MYH10: variants seen among roughly 807,000 people sequenced by gnomAD.
MYH10 encodes myosin-10.
In MYH10, 55 loss-of-function variants were observed where a neutral mutation model predicts 257.8. The ratio of observed to expected loss-of-function variants is 0.21; its 90% CI spans 0.17 to 0.27. The LOEUF (loss-of-function observed/expected upper bound fraction) is 0.27. Ranked by LOEUF, MYH10 falls within the 10% of genes least tolerant of loss-of-function variation. The probability of loss-of-function intolerance (pLI) is 1.00; values close to 1 mark genes in which losing one functional copy is unlikely to be tolerated. For missense variants in MYH10, 1,631 were observed against 2,500.6 expected (o/e 0.65, Z 7.42); for synonymous variants, 854 against 921.7 (o/e 0.93, Z 1.33).
Position 8,506,853 on chromosome 17 carries a change from G to A in MYH10, c.3215-364C>T, listed in dbSNP as rs1174044720. On this transcript the variant is annotated intron_variant, in intron 26 of 42. Transcript: ENST00000360416. The surrounding 1 kb of genome is among the most constrained non-coding windows in gnomAD (Gnocchi z 5.0). Reference sequence around the variant, plus strand: ...CTCAGCAGGTGCTGGGGCAGCAATCGTAGCTGCCTGTCACCCCATTCCCTT... The same window carrying A: ...CTCAGCAGGTGCTGGGGCAGCAATCATAGCTGCCTGTCACCCCATTCCCTT... 6.6e-6 allele frequency among the ~76,000 whole-genome samples: 1 copy of A among 152,188 alleles called. No homozygotes were observed. Among genetic ancestry groups the A allele is most frequent in the Non-Finnish European group, 1.5e-5 (1 of 68,032 alleles).
intron 8 of MYH10, among the ~76,000 whole-genome samples, chr17:8,553,491 A>G (rs945140381): frequency 6.6e-6 from 1 of 152,200 alleles, no homozygotes; most frequent in African/African-American, 2.4e-5. Flanking sequence ...CATTCTATGC[A>G]GGTGACATTT....
chr17:8,490,070 C>T lies in MYH10; in HGVS notation c.4884+270G>A, dbSNP rs935561429. ...AAGACAAGGAACTTGAACCTAACCA[C>T]GGATTCCTTTGGGAGTCCACTGAGG... On this transcript the variant is annotated intron_variant, in intron 35 of 42. Transcript: ENST00000360416. The surrounding 1 kb of genome is among the most constrained non-coding windows in gnomAD (Gnocchi z 4.1). Among the ~76,000 whole-genome samples the T allele has an allele frequency of 6.6e-5, 10 of 152,178 alleles. No individual in the cohort carries two copies. Among genetic ancestry groups the T allele is most frequent in the East Asian group, 3.8e-4 (2 of 5,198 alleles).
intron 7 of MYH10, among the ~76,000 whole-genome samples, chr17:8,558,572 C>T (rs1448803213): frequency 6.6e-6 from 1 of 152,150 alleles, no homozygotes; most frequent in Non-Finnish European, 1.5e-5. Context: ...CTAATTTCAA[C>T]TTCTAAGTTG....
intron 4 of MYH10, 43 bp downstream of exon 4, chr17:8,589,038 C>G (rs755481723): frequency 6.2e-7 from 1 of 1,604,298 alleles, no homozygotes; most frequent in Non-Finnish European, 8.5e-7. Context: ...CTCCACTTTC[C>G]AAGAAAATCA....
At position 8,542,370 on chromosome 17, in the gene MYH10, T is replaced by C. The variant is rs2082312931; in HGVS notation, c.1432-90A>G. ...TATGTAGTTATAAAAAAATTTTTCA[T>C]TAAACATTACTAATTAGGTAGGAAG... is the stretch of plus-strand genomic sequence containing the variant. On this transcript the variant is annotated intron_variant, in intron 13 of 42. Transcript: ENST00000360416. The C allele has an allele frequency of 3.5e-6, 4 of 1,155,138 alleles. No individual in the cohort carries two copies. The South Asian group carries it at 4.5e-5, about 13-fold the overall frequency. 71.6% of individuals were successfully genotyped at this position (1,155,138 alleles called of 1,614,324 possible).
At chr17:8,562,327 C>T (rs537472525) in intron 7 of MYH10, among the ~76,000 whole-genome samples, 13 of 152,350 alleles carry the variant, frequency 8.5e-5, no homozygotes, top group African/African-American at 2.9e-4. Flanking sequence ...GCCAGATAAG[C>T]AAAGGTGACT....
intron 9 of MYH10, among the ~76,000 whole-genome samples, chr17:8,550,546 G>A (rs1445409744): frequency 1.3e-5 from 2 of 148,474 alleles, no homozygotes; most frequent in Non-Finnish European, 3.0e-5. Context: ...CCGGCCAGCC[G>A]CCCTGCCCGG....
At position 8,535,963 on chromosome 17, in the gene MYH10, T is replaced by G. The variant is rs199608057; in HGVS notation, c.1606-32A>C. ...ATGACAGGCAATAAGAATTCACAAG[T>G]TTTGCATGCCACTTTAATACTACTG... On this transcript the variant is annotated intron_variant, in intron 14 of 42. Transcript: ENST00000360416. The surrounding 1 kb of genome is among the most constrained non-coding windows in gnomAD (Gnocchi z 4.3). The G allele has an allele frequency of 6.3e-7, 1 of 1,596,712 alleles. No individual in the cohort carries two copies. Among genetic ancestry groups the G allele is most frequent in the African/African-American group, 1.3e-5 (1 of 74,276 alleles).
At chr17:8,602,570 C>T (rs1348274762) in intron 3 of MYH10, among the ~76,000 whole-genome samples, 1 of 152,160 alleles carries the variant, frequency 6.6e-6, no homozygotes, top group Non-Finnish European at 1.5e-5. Context: ...GCAGGTAGCC[C>T]CCTACTTACA....
intron 27 of MYH10, 140 bp from the exon 28 acceptor site, chr17:8,505,046 G>C: frequency 2.8e-6 from 2 of 715,460 alleles, no homozygotes; most frequent in Middle Eastern, 7.4e-4. Context: ...GGCTGGTGCA[G>C]ATGCTCAGCA....
chr17:8,476,943 G>C lies in MYH10; in HGVS notation c.5812C>G (p.Leu1938Val). ...NASRRKLQRE[L>V]DDATEANEGL... ...TCGTTGGCCTCGGTGGCATCATCCA[G>C]TTCCCGCTGGAGTTTACGCCGAGAT... Residue 1938 changes from leucine to valine, a missense_variant, in exon 42 of 43, where the codon CTG becomes GTG. Around this residue, in one of 11 missense-constraint regions of MYH10, gnomAD observed 343 missense variants for 389.5 expected, o/e 0.88. Coordinates refer to ENST00000360416, the MANE Select transcript of MYH10 (RefSeq NM_001256012.3). The C allele has an allele frequency of 1.2e-6, 2 of 1,613,838 alleles. No individual in the cohort carries two copies. The highest frequency in any genetic ancestry group is 1.7e-6 in the Non-Finnish European group (2 of 1,180,036).
intron 2 of MYH10, among the ~76,000 whole-genome samples, chr17:8,619,252 T>C (rs2085377813): frequency 6.6e-6 from 1 of 151,964 alleles, no homozygotes; most frequent in African/African-American, 2.4e-5. Context: ...TGAAACTGCA[T>C]TTTTTTTAAA....
intron 4 of MYH10, among the ~76,000 whole-genome samples, chr17:8,579,586 G>A (rs1276438311): frequency 1.3e-5 from 2 of 152,110 alleles, no homozygotes; most frequent in Non-Finnish European, 2.9e-5. Flanking sequence ...TTTCCTATGT[G>A]AAGCTTATTA....
chr17:8,623,452 A>G (rs2085544740), intron 1 of MYH10, 175 bp from the exon 2 acceptor site: 2 of 448,170 alleles, frequency 4.5e-6, no homozygotes, highest in Admixed American at 9.1e-5. Context: ...TTCAGCGGTG[A>G]CCACAAATTA....
At chr17:8,578,391 C>A (rs182076228) in intron 4 of MYH10, among the ~76,000 whole-genome samples, 3 of 152,010 alleles carry the variant, frequency 2.0e-5, no homozygotes, top group Admixed American at 1.3e-4. Flanking sequence ...CATAGGCACA[C>A]GCCACCACGC....
intron 17 of MYH10, among the ~76,000 whole-genome samples, chr17:8,522,424 A>G (rs2081686165): frequency 2.0e-5 from 3 of 152,196 alleles, no homozygotes; most frequent in Admixed American, 2.0e-4. Flanking sequence ...AAAGCTGTTT[A>G]ATTTCCAGGC....
intron 4 of MYH10, among the ~76,000 whole-genome samples, chr17:8,587,314 T>C (rs2083947721): frequency 6.6e-6 from 1 of 152,162 alleles, no homozygotes; most frequent in East Asian, 1.9e-4. Flanking sequence ...AGTTTCAGCG[T>C]GATTTGCTGT....
intron 9 of MYH10, among the ~76,000 whole-genome samples, chr17:8,550,445 C>T (rs1386687981): frequency 4.2e-4 from 63 of 149,312 alleles, no homozygotes; most frequent in African/African-American, 1.3e-3. Flanking sequence ...GGAGCCCCTC[C>T]GCCCGGCAGC....
chr17:8,486,317 T>C (rs1914763922), intron 36 of MYH10, among the ~76,000 whole-genome samples: 1 of 152,094 alleles, frequency 6.6e-6, no homozygotes, highest in African/African-American at 2.4e-5. Flanking sequence ...TGGCGAATTG[T>C]GTGGTATGTG....
Sources: allele counts gnomAD v4.1 joint callset (sites outside exome capture counted in the v4.1 genomes callset), GRCh38; gene constraint gnomAD v4.1.1; regional missense constraint gnomAD v4.1.1; non-coding constraint Gnocchi (gnomAD v3.1); transcripts MANE v1.5; gene names NCBI Gene and HGNC (gene_info 2026-07-23, HGNC 2026-07-21).